The following FHIT variants were observed in gnomAD, a reference collection of about 807,000 sequenced individuals.
The protein encoded by FHIT is fragile histidine triad diadenosine triphosphatase.
FHIT carries 19 observed loss-of-function variants against 17.9 expected under a neutral mutation model. The observed-to-expected ratio is 1.06, with a 90% CI of 0.74 to 1.56. The LOEUF (loss-of-function observed/expected upper bound fraction) is 1.56. FHIT is among the 40% of genes most tolerant of loss of function. The probability of loss-of-function intolerance (pLI) is 0.00; values close to 1 mark genes in which losing one functional copy is unlikely to be tolerated. For synonymous variants in FHIT, 81 were observed against 69.7 expected, an observed-to-expected ratio of 1.16 and a Z score of -0.81; for missense variants, 248 against 189.2, an observed-to-expected ratio of 1.31 and a Z score of -1.82.
intron 5 of FHIT, among the ~76,000 whole-genome samples, chr3:60,052,696 C>A (rs1701929653): frequency 6.6e-6 from 1 of 150,706 alleles, no homozygotes; most frequent in South Asian, 2.1e-4. Flanking sequence ...ACATTTAAAG[C>A]CACCAGGGGC....
intron 5 of FHIT, among the ~76,000 whole-genome samples, chr3:60,475,139 G>A (rs556462549): frequency 6.8e-6 from 1 of 146,342 alleles, no homozygotes; most frequent in South Asian, 2.1e-4. Context: ...TGTAGCAACT[G>A]TCGAAGTGTT....
chr3:61,092,298 T>C (rs543180350), intron 2 of FHIT, among the ~76,000 whole-genome samples: 2 of 152,228 alleles, frequency 1.3e-5, no homozygotes, highest in African/African-American at 2.4e-5. Flanking sequence ...CAGGTACATA[T>C]ACCAAGAACT....
chr3:60,080,709 AC>A (rs1703242083), intron 5 of FHIT: 1 of 152,142 alleles, frequency 6.6e-6, no homozygotes, highest in Non-Finnish European at 1.5e-5. Flanking sequence ...AGGATTAGCA[AC>A]CCTGTAAGAG....
chr3:61,164,093 G>A (rs2037769260), intron 2 of FHIT, among the ~76,000 whole-genome samples: 1 of 152,164 alleles, frequency 6.6e-6, no homozygotes. Flanking sequence ...GCATTTTGAT[G>A]TAAGTGTTAC....
intron 5 of FHIT, among the ~76,000 whole-genome samples, chr3:60,199,659 T>C (rs1195386031): frequency 1.3e-5 from 2 of 152,180 alleles, no homozygotes; most frequent in Non-Finnish European, 2.9e-5. Flanking sequence ...TTGAGTTTAA[T>C]ATTTCTGTTA....
intron 4 of FHIT, among the ~76,000 whole-genome samples, chr3:60,623,699 A>G (rs1553679624): frequency 6.6e-6 from 1 of 152,226 alleles, no homozygotes; most frequent in Non-Finnish European, 1.5e-5. Context: ...GATACAAATT[A>G]AATTGCAGTT....
intron 5 of FHIT, among the ~76,000 whole-genome samples, chr3:60,474,299 A>C (rs1005717375): frequency 6.6e-6 from 1 of 152,202 alleles, no homozygotes; most frequent in Non-Finnish European, 1.5e-5. Flanking sequence ...ATATTACATT[A>C]ACTTGAAAAA....
intron 3 of FHIT, among the ~76,000 whole-genome samples, chr3:60,963,316 C>G (rs1490683082): frequency 1.3e-5 from 2 of 152,106 alleles, no homozygotes; most frequent in Non-Finnish European, 2.9e-5. Context: ...TGATTCTTCT[C>G]TCTTTTCTTC....
At chr3:60,789,169 TATATATAG>T (rs782505081) in intron 4 of FHIT, among the ~76,000 whole-genome samples, 5,493 of 124,902 alleles carry the variant, frequency 0.044, 94 homozygotes, top group Non-Finnish European at 0.051. Flanking sequence ...TATATATATA[TATATATAG>T]AGAGAGAGAG....
At chr3:60,624,723 T>TA (rs1360149648) in intron 4 of FHIT, among the ~76,000 whole-genome samples, 1 of 152,168 alleles carries the variant, frequency 6.6e-6, no homozygotes, top group Non-Finnish European at 1.5e-5. Context: ...CATTATTCCA[T>TA]ATGTGGTCTT....
intron 5 of FHIT, among the ~76,000 whole-genome samples, chr3:60,044,837 G>A (rs1490613944): frequency 6.6e-6 from 1 of 152,014 alleles, no homozygotes; most frequent in Non-Finnish European, 1.5e-5. Flanking sequence ...CAAGAAACCT[G>A]GGGAGACACT....
At chr3:60,118,666 C>A (rs1370830017) in intron 5 of FHIT, among the ~76,000 whole-genome samples, 1 of 151,260 alleles carries the variant, frequency 6.6e-6, no homozygotes, top group African/African-American at 2.4e-5. Flanking sequence ...AAAGTACATA[C>A]CTCCTATAAT....
intron 5 of FHIT, among the ~76,000 whole-genome samples, chr3:60,016,865 A>T (rs772402700): frequency 6.6e-6 from 1 of 152,094 alleles, no homozygotes; most frequent in Admixed American, 6.5e-5. Context: ...CCAAATCACC[A>T]TTTCACTTTT....
At chr3:60,125,687 TACATATATATATGTACACACAC>T (rs1421163205) in intron 5 of FHIT, among the ~76,000 whole-genome samples, 10 of 122,038 alleles carry the variant, frequency 8.2e-5, no homozygotes, top group African/African-American at 2.9e-4. Context: ...TGTGCGTGTG[TACATATATATATGTACACACAC>T]ACGTATGTAT....
At chr3:60,140,848 G>A (rs1446203374) in intron 5 of FHIT, among the ~76,000 whole-genome samples, 1 of 152,094 alleles carries the variant, frequency 6.6e-6, no homozygotes, top group African/African-American at 2.4e-5. Context: ...AAAGTGCTGG[G>A]ATTACAGGCG....
At chr3:61,102,599 C>G (rs1012500657) in intron 2 of FHIT, among the ~76,000 whole-genome samples, 1 of 152,272 alleles carries the variant, frequency 6.6e-6, no homozygotes. Flanking sequence ...CCCTCTTTTT[C>G]TATTGAATGG....
chr3:61,063,959 G>A (rs532964706), intron 2 of FHIT, among the ~76,000 whole-genome samples: 227 of 152,312 alleles, frequency 1.5e-3, no homozygotes, highest in Non-Finnish European at 2.5e-3. Context: ...AGTGTGAGGT[G>A]CTTTTCCAGC....
chr3:60,610,169 T>C lies in FHIT; in HGVS notation c.-17-73190A>G, dbSNP rs78080210. 5.4e-3 allele frequency among the ~76,000 whole-genome samples: 830 copies of C among 152,300 alleles called. 4 individuals are homozygous for C. Among genetic ancestry groups the C allele is most frequent in the African/African-American group, 0.019 (792 of 41,568 alleles). On this transcript the variant is annotated intron_variant, in intron 4 of 9. Coordinates refer to ENST00000492590, the MANE Select transcript of FHIT (RefSeq NM_002012.4). ...CTCCTAATTTGTTTGTATTAAACCA[T>C]TGCTGTGCACTTGCATAGTGGGAAG...
chr3:60,937,493 G>A (rs1553773378), intron 3 of FHIT, among the ~76,000 whole-genome samples: 1 of 151,432 alleles, frequency 6.6e-6, no homozygotes, highest in East Asian at 1.9e-4. Flanking sequence ...AAAAATATGT[G>A]AGCTCACAGA....
Sources: allele counts gnomAD v4.1 joint callset (sites outside exome capture counted in the v4.1 genomes callset), GRCh38; gene constraint gnomAD v4.1.1; transcripts MANE v1.5; gene names NCBI Gene and HGNC (gene_info 2026-07-23, HGNC 2026-07-21).